Variants in GDAP1 observed in about 807,000 individuals in gnomAD.
GDAP1 encodes the protein ganglioside induced differentiation associated protein 1, also known as ganglioside-induced differentiation-associated protein 1.
In GDAP1, 34 loss-of-function variants were observed where a neutral mutation model predicts 40.1. The observed-to-expected ratio is 0.85, with a 90% confidence interval of 0.64 to 1.13. The LOEUF (loss-of-function observed/expected upper bound fraction) is 1.13. Among genes scored for constraint, GDAP1 ranks in the 50% most tolerant of loss-of-function variants. GDAP1 has a pLI of 0.00. For synonymous variants in GDAP1, 170 were observed against 157.4 expected (o/e 1.08, Z -0.60); for missense variants, 374 against 433.7 (o/e 0.86, Z 1.22).
chr8:74,469,162 G>A (rs1586844384), intron 2 of GDAP1, among the ~76,000 whole-genome samples: 1 of 151,972 alleles, frequency 6.6e-6, no homozygotes. Flanking sequence ...TGTTTTAAAT[G>A]TACTGCTAAA....
At position 74,441,109 on chromosome 8, in the gene GDAP1, G is replaced by C. The variant is rs6998004; in HGVS notation, c.166-47569G>C. Among the ~76,000 whole-genome samples the C allele has an allele frequency of 7.2e-4, 109 of 152,206 alleles. 1 individual carries two copies. In the South Asian group the frequency reaches 0.022, roughly 31 times the overall value. The stretch of plus-strand genomic sequence containing the variant: ...CTAACTTCAAATTTACATTTTATGA[G>C]AGTCTCAACTCAACCAGTTTGTATT... On this transcript the variant is annotated intron_variant, in intron 2 of 2. Transcript: ENST00000523640.
rs529309587 is a variant in GDAP1, at chr8:74,424,251, G to C, written c.166-64427G>C. Reference sequence around the variant, plus strand: ...TTAGGGAATAATGACAAGAAAAAGAGTCCATACATGTTCAGTGCACACAGT... The same window carrying C: ...TTAGGGAATAATGACAAGAAAAAGACTCCATACATGTTCAGTGCACACAGT... On this transcript the variant is annotated intron_variant, in intron 2 of 2. Coordinates refer to the GDAP1 transcript ENST00000523640. 3.7e-4 allele frequency among the ~76,000 whole-genome samples: 56 copies of C among 152,178 alleles called. 2 individuals carry two copies. The South Asian group carries it at 0.012, about 32-fold the overall frequency.
chr8:74,408,226 T>A (rs1805664505), intron 2 of GDAP1, among the ~76,000 whole-genome samples: 1 of 150,106 alleles, frequency 6.7e-6, no homozygotes, highest in Admixed American at 6.6e-5. Context: ...GGACGGGCTT[T>A]AAAAAAAATT....
rs1253321405 is a variant in GDAP1 at position 74,364,751 on chromosome 8, C to T, written c.*384C>T. 2.2e-6 allele frequency: 1 copy of T among 460,206 alleles called. No individual in the cohort carries two copies. Among genetic ancestry groups the T allele is most frequent in the Non-Finnish European group, 4.3e-6 (1 of 231,246 alleles). 28.5% of individuals were successfully genotyped at this position (460,206 alleles called of 1,614,324 possible). ...ACATACACTTCTGTAATTGAGAACT[C>T]TTAGGAGAGGACTAGGGAATCACTG... On this transcript the variant is annotated 3_prime_UTR_variant, in exon 6 of 6. Coordinates refer to ENST00000220822, the MANE Select transcript of GDAP1 (RefSeq NM_018972.4).
At chr8:74,482,117 TTTGG>T (rs772786087) in intron 2 of GDAP1, among the ~76,000 whole-genome samples, 9 of 75,686 alleles carry the variant, frequency 1.2e-4, no homozygotes, top group Non-Finnish European at 1.8e-4. Context: ...AGGGTTTTTT[TTTGG>T]GGGGGGGGGG....
chr8:74,461,454 C>T (rs1224987814), intron 2 of GDAP1, among the ~76,000 whole-genome samples: 1 of 152,126 alleles, frequency 6.6e-6, no homozygotes, highest in Non-Finnish European at 1.5e-5. Context: ...GGAGCTAGGT[C>T]TTTTAAGAGA....
chr8:74,404,546 G>T lies in GDAP1; in HGVS notation c.165+53225G>T, dbSNP rs1000184039. 6.7e-5 allele frequency among the ~76,000 whole-genome samples: 10 copies of T among 149,592 alleles called. 1 individual carries two copies. The highest frequency in any genetic ancestry group is 6.6e-4 in the Admixed American group (10 of 15,214). On this transcript the variant is annotated intron_variant, in intron 2 of 2. Transcript: ENST00000523640. ...AGAAAAGCTGAGTCACTCACCTAAG[G>T]TCACATGGCTACTCGGTGTGGAGTG...
At chr8:74,424,259 A>G (rs1429539089) in intron 2 of GDAP1, among the ~76,000 whole-genome samples, 13 of 152,138 alleles carry the variant, frequency 8.5e-5, no homozygotes, top group Non-Finnish European at 1.6e-4. Flanking sequence ...GAGTCCATAC[A>G]TGTTCAGTGC....
chr8:74,377,366 A>G (rs1809873638), intron 2 of GDAP1, among the ~76,000 whole-genome samples: 1 of 152,176 alleles, frequency 6.6e-6, no homozygotes, highest in African/African-American at 2.4e-5. Flanking sequence ...AAACAACTCA[A>G]TAAAAATGGG....
In GDAP1 at chr8:74,364,136, T is replaced by A. The variant is rs751766713; in HGVS notation, c.846T>A (p.Arg282=). The change falls in exon 6 of 6, where the codon CGT becomes CGA. Residue 282 remains arginine, a synonymous_variant. Transcript: ENST00000220822. The part of the protein sequence containing the change: ...KRPNLETYYE[R]VLKRKTFNKV... The stretch of plus-strand genomic sequence containing the variant: ...CAAACTTGGAAACCTATTACGAGCG[T>A]GTCTTGAAGAGAAAAACATTTAACA... 17 of 1,614,182 alleles carry A rather than the reference T, an allele frequency of 1.1e-5. No homozygotes were observed. Among genetic ancestry groups the A allele is most frequent in the Admixed American group, 1.7e-5 (1 of 60,028 alleles).
intron 4 of GDAP1, among the ~76,000 whole-genome samples, 155 bp from the exon 5 acceptor site, chr8:74,362,781 TCTC>T (rs1303842790): frequency 1.6e-5 from 1 of 62,314 alleles, no homozygotes; most frequent in African/African-American, 4.7e-5. Flanking sequence ...GCTCTCTCTC[TCTC>T]TTTTTTTTTT....
intron 2 of GDAP1, among the ~76,000 whole-genome samples, chr8:74,473,719 A>G (rs763401827): frequency 2.6e-5 from 4 of 152,120 alleles, no homozygotes; most frequent in Non-Finnish European, 5.9e-5. Context: ...CCTGTAGTAC[A>G]GTTTGAAGTC....
intron 2 of GDAP1, among the ~76,000 whole-genome samples, chr8:74,426,300 A>T (rs1805946871): frequency 6.6e-6 from 1 of 152,230 alleles, no homozygotes; most frequent in South Asian, 2.1e-4. Flanking sequence ...ACAATATAGT[A>T]CTGGTAACTA....
At chr8:74,385,289 T>G (rs941027952) in intron 2 of GDAP1, among the ~76,000 whole-genome samples, 1 of 152,126 alleles carries the variant, frequency 6.6e-6, no homozygotes, top group East Asian at 1.9e-4. Context: ...CAACCCATCA[T>G]GTACATTAGG....
At chr8:74,380,142 C>G (rs2131536719) in intron 2 of GDAP1, among the ~76,000 whole-genome samples, 1 of 152,116 alleles carries the variant, frequency 6.6e-6, no homozygotes, top group Admixed American at 6.6e-5. Context: ...GTGAAGCCAG[C>G]TGATGATGCT....
At chr8:74,414,230 A>C (rs911298120) in intron 2 of GDAP1, among the ~76,000 whole-genome samples, 1 of 150,358 alleles carries the variant, frequency 6.7e-6, no homozygotes, top group Non-Finnish European at 1.5e-5. Flanking sequence ...TTAACATAAT[A>C]TTCAAAATGT....
chr8:74,435,442 A>T (rs1367947537), intron 2 of GDAP1, among the ~76,000 whole-genome samples: 6 of 152,216 alleles, frequency 3.9e-5, no homozygotes, highest in Admixed American at 3.9e-4. Context: ...AAATCATTTC[A>T]AGGAGGCTCT....
intron 2 of GDAP1, among the ~76,000 whole-genome samples, chr8:74,404,154 C>T (rs1805605145): frequency 6.7e-6 from 1 of 149,760 alleles, no homozygotes; most frequent in South Asian, 2.1e-4. Context: ...TGCATACTCT[C>T]ATTTGATTGC....
intron 2 of GDAP1, among the ~76,000 whole-genome samples, chr8:74,414,874 C>G (rs1805759449): frequency 6.7e-6 from 1 of 149,900 alleles, no homozygotes; most frequent in Admixed American, 6.6e-5. Flanking sequence ...GAATACATGT[C>G]CAGACACATA....
Sources: gnomAD v4.1 joint callset for allele counts (sites outside exome capture counted in the v4.1 genomes callset) on GRCh38, gnomAD v4.1.1 for gene constraint, MANE v1.5 for transcripts, NCBI Gene and HGNC (gene_info 2026-07-23, HGNC 2026-07-21) for gene names.